Variants in RAPH1 observed in about 807,000 individuals in gnomAD.
RAPH1 encodes Ras association (RalGDS/AF-6) and pleckstrin homology domains 1.
Under a neutral mutation model 88.1 loss-of-function variants are expected in RAPH1, and 18 were observed. The ratio of observed to expected loss-of-function variants is 0.20; its 90% confidence interval spans 0.14 to 0.30. The LOEUF (loss-of-function observed/expected upper bound fraction) is 0.30, where lower values mean the gene tolerates loss of function less well. Ranked by LOEUF, RAPH1 falls within the 10% of genes least tolerant of loss-of-function variation. The pLI is 1.00. For synonymous variants in RAPH1, 587 were observed against 559.0 expected, an observed-to-expected ratio of 1.05 and a Z score of -0.71; for missense variants, 1,448 against 1,543.2, an observed-to-expected ratio of 0.94 and a Z score of 1.03.
rs138464252 is a variant in RAPH1, at chr2:203,467,043, T to C, written c.733-5118A>G. 2.8e-3 allele frequency among the ~76,000 whole-genome samples: 419 copies of C among 152,314 alleles called. 9 individuals carry two copies. Among genetic ancestry groups the C allele is most frequent in the Non-Finnish European group, 4.9e-4 (33 of 68,030 alleles). On this transcript the variant is annotated intron_variant, in intron 4 of 13. Coordinates refer to ENST00000319170, the MANE Select transcript of RAPH1 (RefSeq NM_213589.3). ...TTCCTTCAGGATCTAGTTTAATTCA[T>C]ATATTGCAATACAATGTAAATTAAA...
intron 2 of RAPH1, among the ~76,000 whole-genome samples, chr2:203,491,708 A>G (rs1688276435): frequency 6.6e-6 from 1 of 152,162 alleles, no homozygotes; most frequent in African/African-American, 2.4e-5. Flanking sequence ...GGGTGTCACC[A>G]TGTTGGCCAG....
At chr2:203,442,083 G>T in intron 13 of RAPH1, 1 of 1,595,790 alleles carries the variant, frequency 6.3e-7, no homozygotes, top group South Asian at 1.2e-5. Context: ...TTGTTTTACT[G>T]GAAAATACAT....
chr2:203,442,769 G>A (rs563922406), intron 13 of RAPH1: 5 of 152,276 alleles, frequency 3.3e-5, no homozygotes, highest in African/African-American at 9.6e-5. Flanking sequence ...GTGCAATAAC[G>A]GACTTTGCTG....
At chr2:203,503,376 G>A (rs1688831842) in intron 1 of RAPH1, among the ~76,000 whole-genome samples, 1 of 152,132 alleles carries the variant, frequency 6.6e-6, no homozygotes, top group South Asian at 2.1e-4. Flanking sequence ...GGCTGGGAGG[G>A]CCTCAGAATC....
intron 13 of RAPH1, chr2:203,441,711 G>A (rs1378855072): frequency 2.3e-6 from 3 of 1,302,194 alleles, no homozygotes; most frequent in African/African-American, 1.5e-5. Context: ...CAGGATGCAT[G>A]ACTTCTGACC....
At chr2:203,487,048 A>G (rs1004958887) in intron 4 of RAPH1, among the ~76,000 whole-genome samples, 6 of 152,210 alleles carry the variant, frequency 3.9e-5, no homozygotes, top group African/African-American at 1.4e-4. Flanking sequence ...GCTGGGAGAG[A>G]GGAACTTTTC....
chr2:203,500,909 G>A (rs1688712379), intron 1 of RAPH1, among the ~76,000 whole-genome samples: 1 of 152,138 alleles, frequency 6.6e-6, no homozygotes, highest in African/African-American at 2.4e-5. Context: ...TTCATTTACA[G>A]ATAAATTTTA....
At chr2:203,495,014 C>A in intron 2 of RAPH1, 1 of 446,404 alleles carries the variant, frequency 2.2e-6, no homozygotes, top group South Asian at 5.5e-5. Context: ...ATGAACAGAG[C>A]CTCTCTCACA....
In RAPH1 at chr2:203,441,355, T is replaced by C. The variant is rs1201195457; in HGVS notation, c.1835A>G (p.Gln612Arg). 21 of 1,570,102 alleles carry C rather than the reference T, an allele frequency of 1.3e-5. No homozygotes were observed. The highest frequency in any genetic ancestry group is 1.8e-5 in the Non-Finnish European group (21 of 1,160,734). Residue 612 changes from glutamine (Q) to arginine (R), a missense_variant, in exon 14 of 14, where the codon CAA (glutamine) becomes CGA (arginine). Gln to Arg is a conservative substitution (Grantham distance 43). Transcript: ENST00000319170. ...YTSLVPPLSP[Q>R]PKIVTPYTAS... ...AGTGTAGGGGGTGACTATCTTAGGT[T>C]GCGGGGATAAAGGGGGCACAAGTGA...
At chr2:203,527,035 T>C (rs563200464) in intron 1 of RAPH1, among the ~76,000 whole-genome samples, 135 of 152,108 alleles carry the variant, frequency 8.9e-4, no homozygotes, top group African/African-American at 3.1e-3. Flanking sequence ...CCGCCCACCT[T>C]GGCCTCCCAA....
chr2:203,450,415 C>T (rs2098513876), intron 10 of RAPH1, among the ~76,000 whole-genome samples: 2 of 152,168 alleles, frequency 1.3e-5, no homozygotes, highest in Admixed American at 6.5e-5. Flanking sequence ...ATAATATAGG[C>T]CCTCTCTTGG....
chr2:203,447,181 C>CTTTTTTTTT (rs1161851720), intron 12 of RAPH1: 2 of 128,034 alleles, frequency 1.6e-5, no homozygotes, highest in African/African-American at 2.8e-5. Context: ...TCTTTTCTTT[C>CTTTTTTTTT]TTTTTTTTTT....
At chr2:203,499,176 T>C (rs1688636129) in intron 1 of RAPH1, among the ~76,000 whole-genome samples, 1 of 152,204 alleles carries the variant, frequency 6.6e-6, no homozygotes, top group African/African-American at 2.4e-5. Flanking sequence ...AAACTGAGTT[T>C]TTTTCCTACT....
At chr2:203,498,440 C>T (rs1688607627) in intron 1 of RAPH1, among the ~76,000 whole-genome samples, 1 of 152,074 alleles carries the variant, frequency 6.6e-6, no homozygotes, top group Non-Finnish European at 1.5e-5. Context: ...TAGTCATAAG[C>T]CTCCACGAAC....
chr2:203,472,063 T>C (rs886265076), intron 4 of RAPH1, among the ~76,000 whole-genome samples: 1 of 151,954 alleles, frequency 6.6e-6, no homozygotes, highest in Admixed American at 6.6e-5. Context: ...AGGGAGGGAA[T>C]TGGGAAAAAC....
chr2:203,476,936 T>C (rs1200055593), intron 4 of RAPH1: 1 of 606,138 alleles, frequency 1.6e-6, no homozygotes, highest in Non-Finnish European at 2.9e-6. Flanking sequence ...AAGTTGCTTA[T>C]TTGTTTTTGC....
intron 1 of RAPH1, among the ~76,000 whole-genome samples, chr2:203,526,143 A>T (rs1238343754): frequency 6.6e-6 from 1 of 152,244 alleles, no homozygotes; most frequent in Non-Finnish European, 1.5e-5. Flanking sequence ...CAAAATTCAA[A>T]TTTAGGCTTC....
chr2:203,506,760 ATATATATATC>A lies in RAPH1; in HGVS notation c.1-11417_1-11408del, dbSNP rs1373006381. 3.3e-4 allele frequency among the ~76,000 whole-genome samples: 44 copies of A among 132,090 alleles called. 1 individual carries two copies. Among genetic ancestry groups the A allele is most frequent in the Admixed American group, 7.7e-4 (10 of 12,936 alleles). 86.7% of individuals were successfully genotyped at this position (132,090 alleles called of 152,430 possible). A position where few individuals can be genotyped will look rare whatever the true frequency, so the allele number is the denominator to read the frequency against. On this transcript the variant is annotated intron_variant, in intron 1 of 13. Transcript: ENST00000319170. Reference sequence around the variant, plus strand: ...TATATATCTATATATATATATATCTATATATATATCTATATATATCTAGATATATATATCT... The same window carrying A: ...TATATATCTATATATATATATATCTATATATATATCTAGATATATATATCT...
At chr2:203,449,231 A>G (rs1262989813) in intron 10 of RAPH1, among the ~76,000 whole-genome samples, 1 of 152,230 alleles carries the variant, frequency 6.6e-6, no homozygotes, top group Non-Finnish European at 1.5e-5. Context: ...ATGGGTGCAG[A>G]AGACTCCAAA....
Sources: gnomAD v4.1 joint callset for allele counts (sites outside exome capture counted in the v4.1 genomes callset) on GRCh38, gnomAD v4.1.1 for gene constraint, MANE v1.5 for transcripts, NCBI Gene and HGNC (gene_info 2026-07-23, HGNC 2026-07-21) for gene names.